Variants in SLIT3 observed in about 807,000 individuals in gnomAD.
SLIT3 encodes slit homolog 3 protein.
A neutral mutation model predicts 184.0 loss-of-function variants in SLIT3; 68 were observed. The ratio of observed to expected loss-of-function variants is 0.37; its 90% CI spans 0.30 to 0.45. The LOEUF is 0.45. SLIT3 is among the 20% of genes least tolerant of loss of function. SLIT3 has a pLI of 1.00. For synonymous variants in SLIT3, 831 were observed against 828.6 expected (o/e 1.00, Z -0.05); for missense variants, 1,707 against 2,026.0 (o/e 0.84, Z 3.02).
chr5:169,211,793 C>A (rs1040763070), intron 3 of SLIT3, among the ~76,000 whole-genome samples: 4 of 152,170 alleles, frequency 2.6e-5, no homozygotes, highest in Admixed American at 6.5e-5. Flanking sequence ...TCCCCTAGCC[C>A]CCCGTCCCCA....
chr5:168,915,437 C>T (rs1761402011), intron 4 of SLIT3, among the ~76,000 whole-genome samples: 1 of 152,052 alleles, frequency 6.6e-6, no homozygotes, highest in African/African-American at 2.4e-5. Flanking sequence ...AGAGGTTCCT[C>T]GTACGAATTG....
At chr5:168,669,491 G>A (rs907814574) in intron 35 of SLIT3, among the ~76,000 whole-genome samples, 6 of 152,194 alleles carry the variant, frequency 3.9e-5, no homozygotes, top group Admixed American at 2.6e-4. Flanking sequence ...TCCCAGCTAC[G>A]CTCTTTCTGA....
In SLIT3 at chr5:169,251,390, G is replaced by T. The variant is rs1765769506; in HGVS notation, c.267C>A (p.Val89=). 6.2e-7 allele frequency: 1 copy of T among 1,608,986 alleles called. No individual in the cohort carries two copies. The highest frequency in any genetic ancestry group is 8.5e-7 in the Non-Finnish European group (1 of 1,175,382). Residue 89 remains valine, a splice_region_variant and synonymous_variant, in exon 2 of 36, where the codon GTC becomes GTA. Transcript: ENST00000519560. ...CTTGAGAGCCATCAACTACTTACAA[G>T]ACTCGGAGGTTCTTGAGCCCAGCGA... is the stretch of plus-strand genomic sequence containing the variant. ...MDFAGLKNLR[V]LHLEDNQVSV...
chr5:168,873,293 C>G (rs1306533897), intron 5 of SLIT3, among the ~76,000 whole-genome samples: 1 of 152,094 alleles, frequency 6.6e-6, no homozygotes, highest in Non-Finnish European at 1.5e-5. Context: ...GGATAAGCAA[C>G]TTTTCCCTAG....
intron 4 of SLIT3, among the ~76,000 whole-genome samples, chr5:169,139,399 T>A (rs190360202): frequency 2.0e-4 from 30 of 152,366 alleles, no homozygotes; most frequent in Middle Eastern, 3.4e-3. Flanking sequence ...TTATGTGTGA[T>A]GTTATCTAAT....
chr5:168,887,475 A>C (rs766441707), intron 4 of SLIT3, among the ~76,000 whole-genome samples: 10 of 152,188 alleles, frequency 6.6e-5, no homozygotes, highest in Non-Finnish European at 1.2e-4. Flanking sequence ...TCTTTGCCTC[A>C]GTTTCCCCAT....
Position 168,772,826 on chromosome 5 carries a change from TGGCGAGTCGGCGCGGGCTGCTGCAGCG to T in SLIT3, c.1387_1413del (p.Arg463_Ala471del). The T allele has an allele frequency of 6.2e-7, 1 of 1,614,114 alleles. No individual in the cohort carries two copies. The highest frequency in any genetic ancestry group is 8.5e-7 in the Non-Finnish European group (1 of 1,180,024). On this transcript the variant is annotated inframe_deletion, in exon 14 of 36. Transcript: ENST00000519560. The stretch of plus-strand genomic sequence containing the variant: ...CTCTTGATCTGGCTGATGCGCTTGT[TGGCGAGTCGGCGCGGGCTGCTGCAGCG>T]GGCCCCGCTTGTCTCGATGGGGTTG...
chr5:168,967,848 GTT>G, intron 4 of SLIT3, among the ~76,000 whole-genome samples: 1 of 152,176 alleles, frequency 6.6e-6, no homozygotes, highest in African/African-American at 2.4e-5. Flanking sequence ...AAAGCCTCGG[GTT>G]CCCACTCTAC....
intron 3 of SLIT3, among the ~76,000 whole-genome samples, chr5:169,220,604 C>T (rs1195860890): frequency 1.3e-5 from 2 of 152,112 alleles, no homozygotes; most frequent in Non-Finnish European, 2.9e-5. Flanking sequence ...ACGACAATAG[C>T]TACATTTGGA....
chr5:169,090,265 G>A (rs1264535506), intron 4 of SLIT3, among the ~76,000 whole-genome samples: 1 of 152,134 alleles, frequency 6.6e-6, no homozygotes. Context: ...GAGCAGAGAA[G>A]GAGGAGAAAT....
intron 4 of SLIT3, among the ~76,000 whole-genome samples, chr5:169,153,667 C>T (rs1028501555): frequency 4.7e-4 from 72 of 152,250 alleles, no homozygotes; most frequent in African/African-American, 1.7e-3. Context: ...TAAATCAGCA[C>T]AAGAAGTTAA....
chr5:168,872,622 TTTCTTCTTC>T (rs751903765), intron 5 of SLIT3, among the ~76,000 whole-genome samples: 2 of 144,276 alleles, frequency 1.4e-5, no homozygotes, highest in African/African-American at 5.3e-5. Flanking sequence ...ACTTTCTTCT[TTTCTTCTTC>T]TTCTTCTTCT....
intron 4 of SLIT3, among the ~76,000 whole-genome samples, chr5:169,014,086 T>C (rs758912091): frequency 8.2e-6 from 1 of 121,366 alleles, no homozygotes. Context: ...CAGAATGTTT[T>C]GTGGGAAGGA....
intron 4 of SLIT3, among the ~76,000 whole-genome samples, chr5:168,903,515 G>A (rs1561997305): frequency 6.6e-6 from 1 of 152,200 alleles, no homozygotes; most frequent in East Asian, 1.9e-4. Context: ...GTCACAGTAA[G>A]CCAGGGCATG....
intron 14 of SLIT3, among the ~76,000 whole-genome samples, chr5:168,767,675 C>T (rs903420432): frequency 6.6e-6 from 1 of 152,190 alleles, no homozygotes; most frequent in African/African-American, 2.4e-5. Flanking sequence ...CTCATGCTGA[C>T]GTTCATTTCA....
At chr5:168,723,248 T>A (rs2113372650) in intron 21 of SLIT3, among the ~76,000 whole-genome samples, 1 of 151,722 alleles carries the variant, frequency 6.6e-6, no homozygotes, top group South Asian at 2.1e-4. Flanking sequence ...CCCACCCACT[T>A]ACCCATCTAC....
At chr5:169,222,658 C>CAAGTATGCT (rs1764651340) in intron 3 of SLIT3, among the ~76,000 whole-genome samples, 1 of 151,954 alleles carries the variant, frequency 6.6e-6, no homozygotes, top group Non-Finnish European at 1.5e-5. Context: ...CAAGCTATGC[C>CAAGTATGCT]GTAACTTACT....
intron 5 of SLIT3, among the ~76,000 whole-genome samples, chr5:168,877,609 G>A (rs527382883): frequency 2.6e-5 from 4 of 152,238 alleles, no homozygotes; most frequent in African/African-American, 4.8e-5. Flanking sequence ...TCACCGGGGC[G>A]GAGACAGCCC....
intron 4 of SLIT3, among the ~76,000 whole-genome samples, chr5:169,122,244 C>A (rs573828891): frequency 5.0e-4 from 76 of 152,310 alleles, no homozygotes; most frequent in African/African-American, 1.8e-3. Flanking sequence ...TTAGACTATA[C>A]AAGCCAAGGT....
Sources: allele counts gnomAD v4.1 joint callset (sites outside exome capture counted in the v4.1 genomes callset), GRCh38; gene constraint gnomAD v4.1.1; transcripts MANE v1.5; gene names NCBI Gene and HGNC (gene_info 2026-07-23, HGNC 2026-07-21).